The following PLB1 variants were observed in gnomAD, a reference collection of about 807,000 sequenced individuals.
The protein encoded by PLB1 is phospholipase B1.
In PLB1, 242 loss-of-function variants were observed where a neutral mutation model predicts 227.4. That is an observed-to-expected ratio of 1.06 (90% CI 0.96 to 1.18). The LOEUF is 1.18. PLB1 is among the 50% of genes most tolerant of loss of function. The probability of loss-of-function intolerance (pLI) is 0.00; values close to 1 mark genes in which losing one functional copy is unlikely to be tolerated. For missense variants in PLB1, 1,858 were observed against 1,816.3 expected, an observed-to-expected ratio of 1.02 and a Z score of -0.42; for synonymous variants, 757 against 682.2, an observed-to-expected ratio of 1.11 and a Z score of -1.71.
chr2:28,622,759 G>A (rs1361789822), intron 49 of PLB1, among the ~76,000 whole-genome samples: 16 of 152,120 alleles, frequency 1.1e-4, no homozygotes, highest in South Asian at 4.1e-4. Flanking sequence ...GATGGTACAC[G>A]CCTGTAATCC....
At chr2:28,519,547 G>GCCT (rs1669243078) in intron 3 of PLB1, among the ~76,000 whole-genome samples, 158 bp from the exon 4 acceptor site, 1 of 152,220 alleles carries the variant, frequency 6.6e-6, no homozygotes, top group African/African-American at 2.4e-5. Flanking sequence ...CCCAGGCACT[G>GCCT]CCTGGTCTTT....
intron 1 of PLB1, among the ~76,000 whole-genome samples, chr2:28,505,101 T>G (rs780654037): frequency 6.6e-6 from 1 of 152,166 alleles, no homozygotes; most frequent in Non-Finnish European, 1.5e-5. Flanking sequence ...ATAAGCACAG[T>G]TCATGTATAA....
chr2:28,618,291 A>G, intron 45 of PLB1, 50 bp from the exon 46 acceptor site: 3 of 1,495,192 alleles, frequency 2.0e-6, no homozygotes, highest in Non-Finnish European at 2.8e-6. Context: ...GTACTTTAAG[A>G]GGTAGATACC....
intron 1 of PLB1, among the ~76,000 whole-genome samples, chr2:28,515,809 T>C (rs558852847): frequency 1.3e-5 from 2 of 152,272 alleles, no homozygotes; most frequent in East Asian, 3.9e-4. Flanking sequence ...TCAGAGGAAG[T>C]AAGGTACCCT....
chr2:28,618,511 T>A (rs1029473184), intron 46 of PLB1, 112 bp downstream of exon 46: 4 of 1,119,278 alleles, frequency 3.6e-6, no homozygotes, highest in Non-Finnish European at 5.3e-6. Flanking sequence ...CCCGTGTTAC[T>A]GAGGGCCTAC....
intron 1 of PLB1, among the ~76,000 whole-genome samples, chr2:28,502,184 A>G (rs1667175664): frequency 6.6e-6 from 1 of 152,184 alleles, no homozygotes; most frequent in Admixed American, 6.5e-5. Context: ...AATTTTTGCA[A>G]ATGTCATAGG....
intron 2 of PLB1, 149 bp from the exon 3 acceptor site, chr2:28,518,316 GT>G (rs1572703504): frequency 1.5e-6 from 1 of 656,564 alleles, no homozygotes; most frequent in East Asian, 2.7e-5. Context: ...TGGGTATGGG[GT>G]TAGGAGAAAA....
Position 28,573,296 on chromosome 2 carries a change from G to T in PLB1, c.1424G>T (p.Gly475Val), listed in dbSNP as rs1320246550. 3 of 1,612,910 alleles carry T rather than the reference G, an allele frequency of 1.9e-6. No individual in the cohort carries two copies. The highest frequency in any genetic ancestry group is 2.7e-5 in the African/African-American group (2 of 74,894). ...TTCTTAAACCAGGCTGTGGCAGGAGGCCGAGCTGAGTAAGCAGGGGTGACC... is the reference window on the plus strand; with the variant it reads ...TTCTTAAACCAGGCTGTGGCAGGAGTCCGAGCTGAGTAAGCAGGGGTGACC... ...NAFLNQAVAG[G>V]RAEDLPVQAR... Residue 475 changes from glycine to valine, a missense_variant, in exon 21 of 58, where the codon GGC becomes GTC. Physicochemically the swap from Gly to Val is moderately radical, Grantham distance 109. Transcript: ENST00000327757.
At chr2:28,543,147 G>A in intron 13 of PLB1, 65 bp from the exon 14 acceptor site, 3 of 1,508,694 alleles carry the variant, frequency 2.0e-6, no homozygotes, top group East Asian at 4.8e-5. Flanking sequence ...GCTTCAAAGT[G>A]TGTAGCAGGT....
rs779523724 is a variant in PLB1, at chr2:28,589,783, G to A, written c.2016+13G>A. 2.3e-5 allele frequency: 37 copies of A among 1,608,296 alleles called. No homozygotes were observed. The highest frequency in any genetic ancestry group is 1.3e-4 in the Admixed American group (8 of 59,996). On this transcript the variant is annotated intron_variant, in intron 28 of 57. Coordinates refer to ENST00000327757, the MANE Select transcript of PLB1 (RefSeq NM_153021.5). ...CTGGAACAATATGGTAAGTGGCTGC[G>A]GTAGGAAAATGCATCCTCCCTCTGG...
intron 57 of PLB1, among the ~76,000 whole-genome samples, chr2:28,641,278 A>G (rs1573627380): frequency 6.6e-6 from 1 of 152,156 alleles, no homozygotes; most frequent in African/African-American, 2.4e-5. Context: ...CGGGTCACCC[A>G]TTCCTTCCGA....
chr2:28,513,368 C>A (rs1455714811), intron 1 of PLB1, among the ~76,000 whole-genome samples: 4 of 152,230 alleles, frequency 2.6e-5, no homozygotes, highest in Non-Finnish European at 5.9e-5. Flanking sequence ...TTTATCCCTA[C>A]TCCAAAGGTC....
At chr2:28,625,250 C>G in intron 50 of PLB1, 142 bp downstream of exon 50, 3 of 758,678 alleles carry the variant, frequency 4.0e-6, no homozygotes, top group Non-Finnish European at 6.3e-6. Flanking sequence ...CAGTCCTTAC[C>G]AAGGAGGCGC....
Position 28,562,540 on chromosome 2 carries a change from C to CAAAAAAAA in PLB1, c.1148-489_1148-482dup, listed in dbSNP as rs60393903. On this transcript the variant is annotated intron_variant, in intron 17 of 57. Coordinates refer to ENST00000327757, the MANE Select transcript of PLB1 (RefSeq NM_153021.5). The stretch of plus-strand genomic sequence containing the variant: ...CTGGAGACAGAGCAAGACTCTGTCT[C>CAAAAAAAA]AAAAAAAAAAAAAAAAAAAGTCAGT... Among the ~76,000 whole-genome samples, 9 of 42,600 alleles carry CAAAAAAAA rather than the reference C, an allele frequency of 2.1e-4. 2 individuals are homozygous for CAAAAAAAA. The highest frequency in any genetic ancestry group is 8.9e-4 in the African/African-American group (8 of 9,012). 27.9% of individuals were successfully genotyped at this position (42,600 alleles called of 152,430 possible). A position where few individuals can be genotyped will look rare whatever the true frequency, so the allele number is the denominator to read the frequency against.
At chr2:28,569,915 G>A (rs974095351) in intron 20 of PLB1, among the ~76,000 whole-genome samples, 5 of 146,880 alleles carry the variant, frequency 3.4e-5, no homozygotes, top group Non-Finnish European at 5.9e-5. Context: ...GCAGTGAGCC[G>A]AGATCACGCC....
chr2:28,583,681 A>G (rs981449643), intron 25 of PLB1, among the ~76,000 whole-genome samples: 1 of 152,074 alleles, frequency 6.6e-6, no homozygotes, highest in Non-Finnish European at 1.5e-5. Context: ...CATGCCCACA[A>G]AGGGTAGCAA....
At chr2:28,556,727 A>G (rs190963997) in intron 17 of PLB1, among the ~76,000 whole-genome samples, 1 of 152,318 alleles carries the variant, frequency 6.6e-6, no homozygotes, top group East Asian at 1.9e-4. Flanking sequence ...GAAGGTGGCT[A>G]TGTTGATGGC....
intron 4 of PLB1, among the ~76,000 whole-genome samples, chr2:28,520,413 A>G (rs1053760691): frequency 1.3e-5 from 2 of 152,172 alleles, no homozygotes; most frequent in African/African-American, 4.8e-5. Flanking sequence ...AAATTTTTAA[A>G]AACACACCGA....
intron 49 of PLB1, among the ~76,000 whole-genome samples, chr2:28,624,293 T>C (rs1687429920): frequency 6.6e-6 from 1 of 152,222 alleles, no homozygotes; most frequent in Non-Finnish European, 1.5e-5. Context: ...TTTTTAAAAA[T>C]TTTATATAAA....
Sources: gnomAD v4.1 joint callset for allele counts (sites outside exome capture counted in the v4.1 genomes callset) on GRCh38, gnomAD v4.1.1 for gene constraint, MANE v1.5 for transcripts, NCBI Gene and HGNC (gene_info 2026-07-23, HGNC 2026-07-21) for gene names.